The following FTO variants were observed in gnomAD, a reference collection of about 807,000 sequenced individuals.
FTO encodes the protein FTO alpha-ketoglutarate dependent dioxygenase.
FTO carries 47 observed loss-of-function variants against 63.9 expected under a neutral mutation model. The observed-to-expected ratio is 0.74, with a 90% CI of 0.58 to 0.94. The LOEUF (loss-of-function observed/expected upper bound fraction) is 0.94. Ranked by LOEUF, FTO falls within the 40% of genes least tolerant of loss-of-function variation. FTO has a pLI of 0.00. For missense variants in FTO, 562 were observed against 618.1 expected (o/e 0.91, Z 0.96); for synonymous variants, 207 against 224.4 (o/e 0.92, Z 0.69).
chr16:53,909,532 C>CTTTTTTTTTTTT (rs58121446), intron 7 of FTO, among the ~76,000 whole-genome samples: 1 of 71,192 alleles, frequency 1.4e-5, no homozygotes, highest in Non-Finnish European at 2.6e-5. Context: ...AGAGCCCCGC[C>CTTTTTTTTTTTT]TTTTTTTTTT....
chr16:54,039,744 T>C (rs759511320), intron 8 of FTO: 2 of 152,250 alleles, frequency 1.3e-5, no homozygotes, highest in Non-Finnish European at 2.9e-5. Context: ...AGACACAGTC[T>C]TCAAGAACTT....
intron 1 of FTO, among the ~76,000 whole-genome samples, chr16:53,744,833 C>CG (rs1459227671): frequency 2.7e-3 from 200 of 74,800 alleles, no homozygotes; most frequent in African/African-American, 0.013. Context: ...CTTCCCCCCC[C>CG]CCATATATGA....
intron 8 of FTO, among the ~76,000 whole-genome samples, chr16:54,007,243 A>G (rs1352124619): frequency 6.6e-6 from 1 of 152,196 alleles, no homozygotes; most frequent in African/African-American, 2.4e-5. Context: ...CCAGCATGGC[A>G]CATGTATACA....
At chr16:54,065,515 G>A (rs16952951) in intron 8 of FTO, among the ~76,000 whole-genome samples, 9,548 of 152,020 alleles carry the variant, frequency 0.063, 415 homozygotes, top group East Asian at 0.14. Flanking sequence ...AGTATATTCC[G>A]GCTTTGTAGT....
chr16:54,002,874 A>G (rs2084100518), intron 8 of FTO, among the ~76,000 whole-genome samples: 1 of 152,220 alleles, frequency 6.6e-6, no homozygotes, highest in African/African-American at 2.4e-5. Flanking sequence ...AAAGTTAAAT[A>G]TAGAATTACC....
chr16:53,764,711 G>A (rs989261627), intron 1 of FTO, among the ~76,000 whole-genome samples: 2 of 151,260 alleles, frequency 1.3e-5, no homozygotes, highest in Non-Finnish European at 1.5e-5. Context: ...ATAAAAATTG[G>A]TCTGTTCTTT....
intron 1 of FTO, among the ~76,000 whole-genome samples, chr16:53,707,471 A>G (rs1229415352): frequency 1.3e-5 from 2 of 152,138 alleles, no homozygotes; most frequent in Admixed American, 6.5e-5. Context: ...TTACATTCAC[A>G]CGTGCCGGGT....
chr16:54,000,131 C>T (rs1236356989), intron 8 of FTO, among the ~76,000 whole-genome samples: 4 of 152,284 alleles, frequency 2.6e-5, no homozygotes, highest in Admixed American at 1.3e-4. Context: ...ATTGCCTCTA[C>T]AGCTGATTTT....
intron 5 of FTO, among the ~76,000 whole-genome samples, chr16:53,874,602 C>G (rs913704260): frequency 6.6e-6 from 1 of 152,116 alleles, no homozygotes; most frequent in East Asian, 1.9e-4. Flanking sequence ...CTACAGGGGA[C>G]AAGTGTGAGA....
At chr16:53,715,540 A>T (rs2075875230) in intron 1 of FTO, among the ~76,000 whole-genome samples, 1 of 152,136 alleles carries the variant, frequency 6.6e-6, no homozygotes, top group South Asian at 2.1e-4. Flanking sequence ...GTGTTTTTGC[A>T]TCGTTGTCTG....
chr16:53,942,539 G>A (rs958911717), intron 8 of FTO, among the ~76,000 whole-genome samples: 1 of 152,180 alleles, frequency 6.6e-6, no homozygotes, highest in African/African-American at 2.4e-5. Context: ...TAAAGGGATG[G>A]GTTTTAGTTC....
At chr16:54,064,573 T>C (rs2144407805) in intron 8 of FTO, among the ~76,000 whole-genome samples, 1 of 152,342 alleles carries the variant, frequency 6.6e-6, no homozygotes, top group South Asian at 2.1e-4. Context: ...TCCTGATAAA[T>C]ATGTTCCTCA....
intron 8 of FTO, among the ~76,000 whole-genome samples, chr16:54,022,966 C>A (rs74019548): frequency 1.3e-5 from 2 of 152,174 alleles, no homozygotes; most frequent in African/African-American, 2.4e-5. Flanking sequence ...GCATTTGAAA[C>A]GTGGAGAGAA....
chr16:53,964,411 A>G (rs1057305282), intron 8 of FTO, among the ~76,000 whole-genome samples: 1 of 152,176 alleles, frequency 6.6e-6, no homozygotes. Flanking sequence ...AGGAAGGGTT[A>G]TGTTTAAGGG....
intron 7 of FTO, among the ~76,000 whole-genome samples, chr16:53,893,925 T>C (rs900023371): frequency 2.0e-5 from 3 of 152,178 alleles, no homozygotes; most frequent in Non-Finnish European, 4.4e-5. Flanking sequence ...TTTATTGACT[T>C]TAGTGGGTAG....
rs545307667 is a variant in FTO at position 54,055,245 on chromosome 16, C to T, written c.1365-56517C>T. On this transcript the variant is annotated intron_variant, in intron 8 of 8. Coordinates refer to ENST00000471389, the MANE Select transcript of FTO (RefSeq NM_001080432.3). ...GTAGAGAAGTATCTTGAAGAGGCCACGAACAGCATATTCATTTCATTAGAC... is the reference window on the plus strand; with the variant it reads ...GTAGAGAAGTATCTTGAAGAGGCCATGAACAGCATATTCATTTCATTAGAC... Among the ~76,000 whole-genome samples, 104 of 152,240 alleles carry T rather than the reference C, an allele frequency of 6.8e-4. 1 individual carries two copies. The South Asian group carries it at 0.021, about 31-fold the overall frequency.
chr16:54,098,637 G>A (rs1216017584), intron 8 of FTO, among the ~76,000 whole-genome samples: 1 of 152,136 alleles, frequency 6.6e-6, no homozygotes, highest in Non-Finnish European at 1.5e-5. Context: ...TCTGTCTGTC[G>A]GTCTTTGACT....
chr16:54,034,813 A>T (rs927638592), intron 8 of FTO, among the ~76,000 whole-genome samples: 5 of 152,232 alleles, frequency 3.3e-5, no homozygotes, highest in Non-Finnish European at 5.9e-5. Flanking sequence ...CGCAAAAATA[A>T]AATAAAAAAT....
Position 53,919,018 on chromosome 16 carries a change from A to T in FTO, c.1240-14967A>T, listed in dbSNP as rs188956072. 5.9e-5 allele frequency among the ~76,000 whole-genome samples: 9 copies of T among 152,194 alleles called. No individual in the cohort carries two copies. In the East Asian group the frequency reaches 1.7e-3, roughly 29 times the overall value. On this transcript the variant is annotated intron_variant, in intron 7 of 8. Transcript: ENST00000471389. ...TATGAGGATCAAATGAGATGAAGTTAATGAAAGCACTTTCCGAACTTTGTC... is the reference window on the plus strand; with the variant it reads ...TATGAGGATCAAATGAGATGAAGTTTATGAAAGCACTTTCCGAACTTTGTC...
Sources: allele counts gnomAD v4.1 joint callset (sites outside exome capture counted in the v4.1 genomes callset), GRCh38; gene constraint gnomAD v4.1.1; transcripts MANE v1.5; gene names NCBI Gene and HGNC (gene_info 2026-07-23, HGNC 2026-07-21).